The following CDH11 variants were observed in gnomAD, a reference collection of about 807,000 sequenced individuals.
CDH11 encodes the protein cadherin 11, also known as cadherin-11.
CDH11 carries 11 observed loss-of-function variants against 67.8 expected under a neutral mutation model. The ratio of observed to expected loss-of-function variants is 0.16; its 90% CI spans 0.10 to 0.27. The LOEUF (loss-of-function observed/expected upper bound fraction) is 0.27. CDH11 is among the 10% of genes least tolerant of loss of function. The pLI is 1.00. For synonymous variants in CDH11, 419 were observed against 400.0 expected, an observed-to-expected ratio of 1.05 and a Z score of -0.57; for missense variants, 847 against 1,031.2, an observed-to-expected ratio of 0.82 and a Z score of 2.45.
intron 1 of CDH11, among the ~76,000 whole-genome samples, chr16:65,083,596 ACAAAT>A (rs1385096240): frequency 4.6e-5 from 7 of 152,374 alleles, no homozygotes; most frequent in African/African-American, 1.7e-4. Context: ...ATCCTGGCAA[ACAAAT>A]CATTGCTGAG....
chr16:64,962,938 T>C (rs954166213), intron 11 of CDH11, among the ~76,000 whole-genome samples: 12 of 152,166 alleles, frequency 7.9e-5, no homozygotes, highest in Non-Finnish European at 1.6e-4. Context: ...TGAGGCCCAG[T>C]CATAGGACTA....
chr16:65,079,824 ATC>A (rs1484259468), intron 1 of CDH11, among the ~76,000 whole-genome samples: 1 of 152,176 alleles, frequency 6.6e-6, no homozygotes, highest in Non-Finnish European at 1.5e-5. Flanking sequence ...TTAAAAATTC[ATC>A]TCTTTTCTCT....
intron 4 of CDH11, 86 bp from the exon 5 acceptor site, chr16:64,993,120 C>A: frequency 8.5e-7 from 1 of 1,176,592 alleles, no homozygotes; most frequent in Non-Finnish European, 1.3e-6. Flanking sequence ...CTAAAATTAA[C>A]CCTGAAGAAG....
intron 4 of CDH11, among the ~76,000 whole-genome samples, chr16:64,995,793 AACAGAGTAAAGAGACAACCT>A (rs1260839139): frequency 1.1e-4 from 16 of 152,310 alleles, no homozygotes; most frequent in East Asian, 9.7e-4. Context: ...GGAAACTATA[AACAGAGTAAAGAGACAACCT>A]ACAGAATGGG....
At chr16:65,005,673 C>G (rs1406013562) in intron 2 of CDH11, among the ~76,000 whole-genome samples, 8 of 152,122 alleles carry the variant, frequency 5.3e-5, no homozygotes, top group Non-Finnish European at 1.5e-5. Flanking sequence ...ATTAAGGTCT[C>G]TTTGGTAAAT....
chr16:64,971,472 A>T, intron 11 of CDH11, 107 bp downstream of exon 11: 2 of 675,186 alleles, frequency 3.0e-6, no homozygotes, highest in Admixed American at 5.6e-5. Flanking sequence ...TTCTTCTTCA[A>T]CAGGAAGACA....
intron 2 of CDH11, among the ~76,000 whole-genome samples, chr16:65,046,710 T>C (rs930536171): frequency 3.9e-5 from 6 of 152,220 alleles, no homozygotes; most frequent in African/African-American, 1.4e-4. Flanking sequence ...TTGTGTTATT[T>C]GGGCAACTTT....
chr16:65,050,878 G>A (rs2074044523), intron 2 of CDH11, among the ~76,000 whole-genome samples: 1 of 151,488 alleles, frequency 6.6e-6, no homozygotes, highest in Non-Finnish European at 1.5e-5. Flanking sequence ...CTGATTCATT[G>A]ACACCTCATT....
intron 1 of CDH11, among the ~76,000 whole-genome samples, chr16:65,100,502 G>T (rs1372728182): frequency 3.9e-5 from 6 of 152,072 alleles, no homozygotes; most frequent in Non-Finnish European, 8.8e-5. Flanking sequence ...ACTTTAGAAG[G>T]CCGAGGCAGG....
chr16:64,992,333 T>C (rs1462227288), intron 5 of CDH11, among the ~76,000 whole-genome samples: 2 of 152,208 alleles, frequency 1.3e-5, no homozygotes, highest in African/African-American at 4.8e-5. Flanking sequence ...TGATGGTGCA[T>C]ATTAAGTTTA....
At chr16:65,110,596 G>A (rs972219165) in intron 1 of CDH11, among the ~76,000 whole-genome samples, 1 of 151,584 alleles carries the variant, frequency 6.6e-6, no homozygotes, top group Non-Finnish European at 1.5e-5. Context: ...CTGCTACAGT[G>A]ACCAGAATGA....
rs1425144414 is a variant in CDH11, at chr16:64,947,338, C to T, written c.*265G>A. Reference sequence around the variant, plus strand: ...TCAGTTCAGCGTTAGACTTCTCCTTCACTTAAATATTTTGTATGCCAAGTG... The same window carrying T: ...TCAGTTCAGCGTTAGACTTCTCCTTTACTTAAATATTTTGTATGCCAAGTG... On this transcript the variant is annotated 3_prime_UTR_variant, in exon 13 of 13. Coordinates refer to ENST00000268603, the MANE Select transcript of CDH11 (RefSeq NM_001797.4). 8 of 1,237,368 alleles carry T rather than the reference C, an allele frequency of 6.5e-6. No homozygotes were observed. The highest frequency in any genetic ancestry group is 7.1e-6 in the Non-Finnish European group (7 of 986,008). The allele number at this position is 1,237,368 out of a possible 1,614,324, so 76.6% of individuals were successfully genotyped here.
At chr16:65,015,855 A>G (rs1440239790) in intron 2 of CDH11, among the ~76,000 whole-genome samples, 1 of 152,212 alleles carries the variant, frequency 6.6e-6, no homozygotes, top group Admixed American at 6.5e-5. Context: ...TTTTGAAATA[A>G]TTGCTAAAGC....
chr16:65,100,970 T>C (rs757691805), intron 1 of CDH11, among the ~76,000 whole-genome samples: 7 of 152,166 alleles, frequency 4.6e-5, no homozygotes, highest in Non-Finnish European at 8.8e-5. Flanking sequence ...TTTAAATTTT[T>C]CATCCTAAGA....
At chr16:65,076,648 AG>A (rs937299921) in intron 1 of CDH11, among the ~76,000 whole-genome samples, 1 of 152,086 alleles carries the variant, frequency 6.6e-6, no homozygotes, top group African/African-American at 2.4e-5. Context: ...CATCTACACT[AG>A]GTATTTCGCC....
chr16:65,103,016 T>A (rs1011675857), intron 1 of CDH11, among the ~76,000 whole-genome samples: 12 of 152,162 alleles, frequency 7.9e-5, no homozygotes, highest in African/African-American at 2.7e-4. Context: ...CTCTGTGCCC[T>A]CCTCTTGTCA....
At chr16:65,074,799 T>C (rs1281466286) in intron 1 of CDH11, among the ~76,000 whole-genome samples, 2 of 152,198 alleles carry the variant, frequency 1.3e-5, no homozygotes, top group Non-Finnish European at 2.9e-5. Context: ...ACATTCAAAA[T>C]AGTATTTTCC....
chr16:65,018,748 A>G (rs755631935), intron 2 of CDH11, among the ~76,000 whole-genome samples: 1 of 152,200 alleles, frequency 6.6e-6, no homozygotes, highest in Non-Finnish European at 1.5e-5. Context: ...GTTTTCCAAG[A>G]GTGCTTTGGC....
intron 11 of CDH11, among the ~76,000 whole-genome samples, chr16:64,951,984 C>A (rs1212933936): frequency 6.6e-6 from 1 of 152,132 alleles, no homozygotes. Context: ...TATTATTTCC[C>A]TAACCTAGAT....
Sources: gnomAD v4.1 joint callset for allele counts (sites outside exome capture counted in the v4.1 genomes callset) on GRCh38, gnomAD v4.1.1 for gene constraint, MANE v1.5 for transcripts, NCBI Gene and HGNC (gene_info 2026-07-23, HGNC 2026-07-21) for gene names.